CSMD1: variants seen among roughly 807,000 people sequenced by gnomAD.
CSMD1 encodes CUB and Sushi multiple domains 1, also known as CUB and sushi domain-containing protein 1.
A neutral mutation model predicts 417.5 loss-of-function variants in CSMD1; 213 were observed. That is an observed-to-expected ratio of 0.51 (90% CI 0.46 to 0.57). CSMD1 has a LOEUF of 0.57. Ranked by LOEUF, CSMD1 falls within the 20% of genes least tolerant of loss-of-function variation. The pLI is 0.00. For synonymous variants in CSMD1, 2,862 were observed against 1,736.8 expected, an observed-to-expected ratio of 1.65 and a Z score of -16.11; for missense variants, 6,923 against 4,529.7, an observed-to-expected ratio of 1.53 and a Z score of -15.17.
At chr8:4,220,192 G>A (rs1800942829) in intron 3 of CSMD1, among the ~76,000 whole-genome samples, 1 of 152,182 alleles carries the variant, frequency 6.6e-6, no homozygotes, top group Non-Finnish European at 1.5e-5. Flanking sequence ...GTCAGGTGAT[G>A]TGCTCGCCTT....
chr8:4,605,077 T>C (rs13269869), intron 2 of CSMD1, among the ~76,000 whole-genome samples: 29,412 of 152,178 alleles, frequency 0.19, 2,988 homozygotes, highest in African/African-American at 0.26. Context: ...GCTAAGCTAA[T>C]GTGGAACTTA....
chr8:4,175,965 G>A (rs1039416768), intron 3 of CSMD1, among the ~76,000 whole-genome samples: 3 of 152,058 alleles, frequency 2.0e-5, no homozygotes, highest in Non-Finnish European at 4.4e-5. Context: ...GGGGCAGCTG[G>A]GCTTCTCTCA....
chr8:4,665,457 A>C (rs922286937), intron 1 of CSMD1, among the ~76,000 whole-genome samples: 7 of 152,214 alleles, frequency 4.6e-5, no homozygotes, highest in Non-Finnish European at 8.8e-5. Flanking sequence ...CAAACTCCAC[A>C]GCTAACACAC....
chr8:4,256,814 T>C (rs965435821), intron 3 of CSMD1, among the ~76,000 whole-genome samples: 1 of 152,080 alleles, frequency 6.6e-6, no homozygotes, highest in Non-Finnish European at 1.5e-5. Flanking sequence ...TGGCATAAAG[T>C]CGAGTTATGA....
intron 37 of CSMD1, among the ~76,000 whole-genome samples, chr8:3,173,605 G>T (rs1481630428): frequency 6.6e-6 from 1 of 152,350 alleles, no homozygotes; most frequent in East Asian, 1.9e-4. Context: ...ATGAAGATTA[G>T]TTATTACACT....
chr8:4,197,631 C>T (rs1029527002), intron 3 of CSMD1, among the ~76,000 whole-genome samples: 3 of 152,198 alleles, frequency 2.0e-5, no homozygotes, highest in African/African-American at 7.2e-5. Flanking sequence ...GAAATCCCAG[C>T]ATTTTGGGAG....
intron 3 of CSMD1, among the ~76,000 whole-genome samples, chr8:4,217,051 A>G (rs1201898335): frequency 6.6e-6 from 1 of 152,216 alleles, no homozygotes; most frequent in African/African-American, 2.4e-5. Context: ...AATGCATTAA[A>G]TCAGGTAGTG....
chr8:4,257,648 T>C (rs971915550), intron 3 of CSMD1, among the ~76,000 whole-genome samples: 5 of 152,200 alleles, frequency 3.3e-5, no homozygotes, highest in Non-Finnish European at 5.9e-5. Flanking sequence ...ATACATCACA[T>C]TGGTTACAGC....
chr8:4,070,241 T>C (rs1424668558), intron 3 of CSMD1, among the ~76,000 whole-genome samples: 2 of 152,206 alleles, frequency 1.3e-5, no homozygotes, highest in African/African-American at 2.4e-5. Flanking sequence ...GCTTATCATA[T>C]ATATTACAAA....
Position 4,712,515 on chromosome 8 carries a change from T to C in CSMD1, c.86-74957A>G, listed in dbSNP as rs1447964696. Among the ~76,000 whole-genome samples the C allele has an allele frequency of 5.3e-5, 8 of 152,172 alleles. No individual in the cohort carries two copies. The East Asian group carries it at 1.5e-3, about 29-fold the overall frequency. ...ATTGCTTGCAGGAAAATTTCCCTTA[T>C]TTTCCTTATCCCTTTATCAGAGCAA... On this transcript the variant is annotated intron_variant, in intron 1 of 69. Transcript: ENST00000635120.
At chr8:2,956,988 T>C (rs1420317371) in intron 63 of CSMD1, among the ~76,000 whole-genome samples, 1 of 150,248 alleles carries the variant, frequency 6.7e-6, no homozygotes, top group Non-Finnish European at 1.5e-5. Flanking sequence ...AATCACACCT[T>C]ATATACTGAG....
intron 11 of CSMD1, among the ~76,000 whole-genome samples, chr8:3,483,225 G>A (rs1029764810): frequency 2.6e-4 from 39 of 151,998 alleles, no homozygotes; most frequent in African/African-American, 8.0e-4. Context: ...AAGAACACTT[G>A]CAGAAAGTCA....
At chr8:4,393,778 C>G (rs532622585) in intron 3 of CSMD1, among the ~76,000 whole-genome samples, 14 of 152,306 alleles carry the variant, frequency 9.2e-5, no homozygotes, top group Non-Finnish European at 1.8e-4. Context: ...GAAAAAGCTG[C>G]AATCCTTAAC....
chr8:4,880,685 G>A (rs760294696), intron 1 of CSMD1, among the ~76,000 whole-genome samples: 2 of 151,982 alleles, frequency 1.3e-5, no homozygotes, highest in East Asian at 1.9e-4. Flanking sequence ...CTTTTCTGCC[G>A]TGCCTGTTCT....
intron 3 of CSMD1, among the ~76,000 whole-genome samples, chr8:4,312,493 C>G: frequency 7.0e-6 from 1 of 142,898 alleles, no homozygotes. Flanking sequence ...ATATAGAACT[C>G]TATGTTTCCA....
At chr8:4,529,212 C>A (rs1165927707) in intron 2 of CSMD1, among the ~76,000 whole-genome samples, 1 of 152,124 alleles carries the variant, frequency 6.6e-6, no homozygotes, top group Non-Finnish European at 1.5e-5. Flanking sequence ...CTTATCAGGA[C>A]AATATTGAGA....
At chr8:4,518,158 C>A (rs951480863) in intron 2 of CSMD1, among the ~76,000 whole-genome samples, 3 of 151,836 alleles carry the variant, frequency 2.0e-5, no homozygotes, top group African/African-American at 7.2e-5. Flanking sequence ...TGCCATAAGA[C>A]AAGAAGACAG....
At chr8:4,699,850 A>G (rs1001226758) in intron 1 of CSMD1, among the ~76,000 whole-genome samples, 1 of 152,248 alleles carries the variant, frequency 6.6e-6, no homozygotes, top group Non-Finnish European at 1.5e-5. Context: ...TGAGATTGAC[A>G]ATACTGCGAG....
chr8:3,087,414 T>G (rs1814620189), intron 48 of CSMD1, 129 bp from the exon 49 acceptor site: 1 of 953,510 alleles, frequency 1.0e-6, no homozygotes, highest in East Asian at 2.5e-5. Flanking sequence ...CACCAGTATG[T>G]AAGTTTGTTC....
Sources: gnomAD v4.1 joint callset for allele counts (sites outside exome capture counted in the v4.1 genomes callset) on GRCh38, gnomAD v4.1.1 for gene constraint, MANE v1.5 for transcripts, NCBI Gene and HGNC (gene_info 2026-07-23, HGNC 2026-07-21) for gene names.